The following TBC1D31 variants were observed in gnomAD, a reference collection of about 807,000 sequenced individuals.
TBC1D31 encodes TBC1 domain family member 31.
Under a neutral mutation model 132.9 loss-of-function variants are expected in TBC1D31, and 99 were observed. The ratio of observed to expected loss-of-function variants is 0.74; its 90% CI spans 0.63 to 0.88. TBC1D31 has a LOEUF of 0.88. TBC1D31 is among the 40% of genes least tolerant of loss of function. The probability of loss-of-function intolerance (pLI) is 0.00; values close to 1 mark genes in which losing one functional copy is unlikely to be tolerated. For missense variants in TBC1D31, 1,134 were observed against 1,256.6 expected (o/e 0.90, Z 1.48); for synonymous variants, 385 against 419.4 (o/e 0.92, Z 1.00).
chr8:123,078,703 A>T (rs948815049), intron 2 of TBC1D31, among the ~76,000 whole-genome samples: 6 of 152,206 alleles, frequency 3.9e-5, no homozygotes, highest in Admixed American at 1.3e-4. Flanking sequence ...TCAAAAAGAC[A>T]CAGTTGCCAG....
chr8:123,130,623 CTT>C (rs774112527), intron 16 of TBC1D31, among the ~76,000 whole-genome samples: 16 of 136,058 alleles, frequency 1.2e-4, no homozygotes, highest in Middle Eastern at 7.7e-3. Flanking sequence ...CTTTTCTTTT[CTT>C]TTTTTTTTTT....
the TBC1D31 span, among the ~76,000 whole-genome samples, chr8:123,163,328 G>A: frequency 2.0e-4 from 29 of 146,908 alleles, no homozygotes; most frequent in East Asian, 8.1e-4. Context: ...TTTAAATTGT[G>A]GTAAATATAT....
At chr8:123,073,658 C>G (rs976647759) in intron 1 of TBC1D31, among the ~76,000 whole-genome samples, 5 of 152,044 alleles carry the variant, frequency 3.3e-5, no homozygotes, top group African/African-American at 1.2e-4. Context: ...GCTTGAGTTC[C>G]TGTTTCAGTG....
intron 20 of TBC1D31, among the ~76,000 whole-genome samples, chr8:123,145,871 C>CTTTTTT (rs57816964): frequency 6.7e-5 from 9 of 133,498 alleles, no homozygotes; most frequent in South Asian, 4.7e-4. Flanking sequence ...TTCTCTTTTT[C>CTTTTTT]TTTTTTTTTT....
At chr8:123,086,075 C>G (rs1163396717) in intron 4 of TBC1D31, among the ~76,000 whole-genome samples, 1 of 152,132 alleles carries the variant, frequency 6.6e-6, no homozygotes, top group Non-Finnish European at 1.5e-5. Context: ...GTGCCAGGCC[C>G]TTATATAGTA....
Position 123,136,836 on chromosome 8 carries a change from TAAAC to T in TBC1D31, c.2499+2635_2499+2638del, listed in dbSNP as rs147297170. On this transcript the variant is annotated intron_variant, in intron 17 of 21. Coordinates refer to ENST00000287380, the MANE Select transcript of TBC1D31 (RefSeq NM_145647.4). ...CTGTCTTTTGAAGGAATTATTTATTTAAACAAACCAATAGGATTAGAGAAGAGTT... is the reference window on the plus strand; with the variant it reads ...CTGTCTTTTGAAGGAATTATTTATTTAAACCAATAGGATTAGAGAAGAGTT... 8.3e-3 allele frequency among the ~76,000 whole-genome samples: 1,270 copies of T among 152,332 alleles called. 16 individuals carry two copies. The highest frequency in any genetic ancestry group is 0.03 in the African/African-American group (1,234 of 41,562).
At position 123,140,683 on chromosome 8, in the gene TBC1D31, T is replaced by C. The variant is rs184098794; in HGVS notation, c.2500-78T>C. On this transcript the variant is annotated intron_variant, in intron 17 of 21. Coordinates refer to ENST00000287380, the MANE Select transcript of TBC1D31 (RefSeq NM_145647.4). ...TTACAGCTTTTATTTGTGTGCATAT[T>C]ACTATTCTGAAAAAAGTCATTTTTG... The C allele has an allele frequency of 5.7e-4, 667 of 1,168,042 alleles. 1 individual carries two copies. In the African/African-American group the frequency reaches 7.4e-3, roughly 13 times the overall value. The allele number at this position is 1,168,042 out of a possible 1,614,324, so 72.4% of individuals were successfully genotyped here.
intron 10 of TBC1D31, 103 bp from the exon 11 acceptor site, chr8:123,119,952 C>A: frequency 9.8e-7 from 1 of 1,023,244 alleles, no homozygotes; most frequent in Non-Finnish European, 1.4e-6. Context: ...GATAGGGGTA[C>A]AAGGAAGAAT....
At chr8:123,163,425 T>C in the TBC1D31 span, among the ~76,000 whole-genome samples, 2 of 145,742 alleles carry the variant, frequency 1.4e-5, no homozygotes, top group East Asian at 4.1e-4. Flanking sequence ...AGTGCAGTGG[T>C]GTGATCACAG....
chr8:123,153,092 A>C (rs1188203160), downstream of TBC1D31, among the ~76,000 whole-genome samples: 3 of 152,184 alleles, frequency 2.0e-5, no homozygotes, highest in Non-Finnish European at 4.4e-5. Context: ...TATTTTTCTC[A>C]GCCTAGTTTT....
intron 14 of TBC1D31, 54 bp downstream of exon 14, chr8:123,128,567 T>TAAA (rs1554619105): frequency 0.073 from 99,138 of 1,354,138 alleles, 4,595 homozygotes; most frequent in Admixed American, 0.19. Flanking sequence ...GTTATAAACA[T>TAAA]AAGAAAGTTT....
intron 16 of TBC1D31, among the ~76,000 whole-genome samples, chr8:123,132,566 A>G (rs867894286): frequency 3.3e-5 from 5 of 151,650 alleles, no homozygotes; most frequent in African/African-American, 1.2e-4. Flanking sequence ...GGTGCCTGCC[A>G]CAACACCCAT....
In TBC1D31 at chr8:123,085,233, T is replaced by A. The variant is rs1056344650; in HGVS notation, c.519+893T>A. On this transcript the variant is annotated intron_variant, in intron 4 of 21. Coordinates refer to ENST00000287380, the MANE Select transcript of TBC1D31 (RefSeq NM_145647.4). Reference sequence around the variant, plus strand: ...ATGTAAGTCTTAAGTATTCATTTGTTAAATTTGACAAATACACACACCTGT... The same window carrying A: ...ATGTAAGTCTTAAGTATTCATTTGTAAAATTTGACAAATACACACACCTGT... Among the ~76,000 whole-genome samples, 3 of 152,208 alleles carry A rather than the reference T, an allele frequency of 2.0e-5. No homozygotes were observed. The South Asian group carries it at 6.2e-4, about 31-fold the overall frequency.
chr8:123,080,298 G>A (rs1010450790), intron 2 of TBC1D31, among the ~76,000 whole-genome samples: 1 of 152,132 alleles, frequency 6.6e-6, no homozygotes, highest in Non-Finnish European at 1.5e-5. Flanking sequence ...AGAGGACCTT[G>A]AGTCTCTAGG....
chr8:123,082,899 C>A (rs941957002), intron 3 of TBC1D31, 82 bp downstream of exon 3: 6 of 918,076 alleles, frequency 6.5e-6, no homozygotes, highest in Non-Finnish European at 1.0e-5. Context: ...CTCTGTACAG[C>A]TTGAGGGGGC....
intron 1 of TBC1D31, chr8:123,073,218 TC>T (rs956857837): frequency 6.3e-6 from 3 of 472,756 alleles, no homozygotes; most frequent in Non-Finnish European, 1.2e-5. Flanking sequence ...GGAGCAGAAC[TC>T]CAGGAGGAGA....
intron 4 of TBC1D31, 29 bp downstream of exon 4, chr8:123,084,369 T>A (rs765505411): frequency 6.2e-7 from 1 of 1,603,666 alleles, no homozygotes; most frequent in South Asian, 1.1e-5. Flanking sequence ...CTTGGTCTGT[T>A]GTGCTTCTCG....
intron 19 of TBC1D31, 141 bp from the exon 20 acceptor site, chr8:123,144,576 T>A: frequency 1.2e-6 from 1 of 824,472 alleles, no homozygotes; most frequent in Non-Finnish European, 1.8e-6. Flanking sequence ...GCACCCCAGT[T>A]ACCATAACAC....
chr8:123,096,664 G>A (rs1816867329), intron 5 of TBC1D31, among the ~76,000 whole-genome samples: 1 of 152,218 alleles, frequency 6.6e-6, no homozygotes, highest in African/African-American at 2.4e-5. Flanking sequence ...TGGCTTCTGG[G>A]ACCATACCTG....
Sources: gnomAD v4.1 joint callset for allele counts (sites outside exome capture counted in the v4.1 genomes callset) on GRCh38, gnomAD v4.1.1 for gene constraint, MANE v1.5 for transcripts, NCBI Gene and HGNC (gene_info 2026-07-23, HGNC 2026-07-21) for gene names.